Variants in CSNK1G1 observed in about 807,000 individuals in gnomAD.
The protein encoded by CSNK1G1 is casein kinase I isoform gamma-1.
Under a neutral mutation model 59.6 loss-of-function variants are expected in CSNK1G1, and 22 were observed. The observed-to-expected ratio is 0.37, with a 90% confidence interval of 0.26 to 0.53. The LOEUF is 0.53. Ranked by LOEUF, CSNK1G1 falls within the 20% of genes least tolerant of loss-of-function variation. The pLI, the probability that CSNK1G1 is intolerant of heterozygous loss-of-function variation, is 0.89. For synonymous variants in CSNK1G1, 179 were observed against 177.1 expected, an observed-to-expected ratio of 1.01 and a Z score of -0.08; for missense variants, 384 against 519.5, an observed-to-expected ratio of 0.74 and a Z score of 2.54.
chr15:64,300,991 A>G (rs181371026), intron 1 of CSNK1G1, among the ~76,000 whole-genome samples: 1 of 152,346 alleles, frequency 6.6e-6, no homozygotes, highest in East Asian at 1.9e-4. Context: ...TGTATCTATG[A>G]CCAAAAAGAA....
intron 4 of CSNK1G1, among the ~76,000 whole-genome samples, chr15:64,240,550 G>C (rs2082680357): frequency 6.6e-6 from 1 of 151,352 alleles, no homozygotes; most frequent in Non-Finnish European, 1.5e-5. Flanking sequence ...CAAGAAAAAA[G>C]AGTCAAGAAA....
At chr15:64,229,526 CTT>C (rs1216309078) in intron 4 of CSNK1G1, among the ~76,000 whole-genome samples, 2 of 141,192 alleles carry the variant, frequency 1.4e-5, no homozygotes, top group Admixed American at 6.9e-5. Flanking sequence ...TTCTCTCTCT[CTT>C]TCTCTCTCTC....
intron 10 of CSNK1G1, among the ~76,000 whole-genome samples, chr15:64,202,381 G>C (rs1241128709): frequency 6.6e-6 from 1 of 151,988 alleles, no homozygotes; most frequent in Non-Finnish European, 1.5e-5. Context: ...CTGTCTGTGC[G>C]ACAGGTCTTT....
intron 10 of CSNK1G1, among the ~76,000 whole-genome samples, chr15:64,201,145 G>A (rs1453242858): frequency 6.6e-6 from 1 of 151,874 alleles, no homozygotes; most frequent in Non-Finnish European, 1.5e-5. Context: ...GGTGGTATGT[G>A]CCTGTAATCC....
At chr15:64,199,250 C>CAAAAAAAAAAAA (rs56819260) in intron 10 of CSNK1G1, among the ~76,000 whole-genome samples, 36 of 52,258 alleles carry the variant, frequency 6.9e-4, no homozygotes, top group African/African-American at 1.2e-3. Context: ...AATCTTTTCT[C>CAAAAAAAAAAAA]AAAAAAAAAA....
chr15:64,190,111 C>T (rs566646044), intron 10 of CSNK1G1, among the ~76,000 whole-genome samples: 15 of 151,814 alleles, frequency 9.9e-5, no homozygotes, highest in African/African-American at 2.7e-4. Context: ...TGAGCCACCA[C>T]GCCTGGCCAA....
chr15:64,288,210 A>G (rs1033623620), intron 2 of CSNK1G1, among the ~76,000 whole-genome samples: 7 of 152,164 alleles, frequency 4.6e-5, no homozygotes, highest in Non-Finnish European at 7.4e-5. Flanking sequence ...AAGGAAATAC[A>G]GTAACAGTGC....
chr15:64,319,166 TATA>T (rs758572630), intron 1 of CSNK1G1, among the ~76,000 whole-genome samples: 3 of 152,202 alleles, frequency 2.0e-5, no homozygotes, highest in Admixed American at 6.5e-5. Context: ...AACTTACATT[TATA>T]ATATCATCTT....
At chr15:64,333,737 A>C (rs1897240120) in intron 1 of CSNK1G1, among the ~76,000 whole-genome samples, 1 of 152,188 alleles carries the variant, frequency 6.6e-6, no homozygotes, top group South Asian at 2.1e-4. Context: ...CGGAAACCAA[A>C]AGCAAGAAGT....
At chr15:64,300,247 G>A (rs1895253237) in intron 2 of CSNK1G1, 72 bp downstream of exon 2, 3 of 1,432,966 alleles carry the variant, frequency 2.1e-6, no homozygotes, top group Admixed American at 2.0e-5. Flanking sequence ...TAAACGGCTT[G>A]TCTTGAAACA....
chr15:64,225,768 G>C (rs112936029), intron 4 of CSNK1G1, among the ~76,000 whole-genome samples: 2 of 152,042 alleles, frequency 1.3e-5, no homozygotes, highest in South Asian at 2.1e-4. Flanking sequence ...CTGGGATTAC[G>C]GGTGCCTGTC....
At chr15:64,355,095 G>A (rs1045556847) in intron 1 of CSNK1G1, among the ~76,000 whole-genome samples, 8 of 152,086 alleles carry the variant, frequency 5.3e-5, no homozygotes, top group Non-Finnish European at 1.2e-4. Context: ...TAAGAAAGAG[G>A]CTGCAAAAGC....
intron 1 of CSNK1G1, among the ~76,000 whole-genome samples, chr15:64,324,860 T>G (rs188682823): frequency 3.9e-5 from 6 of 152,356 alleles, no homozygotes; most frequent in Admixed American, 2.0e-4. Flanking sequence ...GTGCAACAAA[T>G]GCACATGGTA....
intron 2 of CSNK1G1, among the ~76,000 whole-genome samples, chr15:64,265,457 T>C (rs1892923814): frequency 6.6e-6 from 1 of 152,180 alleles, no homozygotes; most frequent in South Asian, 2.1e-4. Flanking sequence ...GGAGTTCCCT[T>C]GCACATGCTC....
At chr15:64,334,509 C>T (rs372179629) in intron 1 of CSNK1G1, among the ~76,000 whole-genome samples, 9 of 152,188 alleles carry the variant, frequency 5.9e-5, no homozygotes, top group African/African-American at 2.2e-4. Context: ...AATTATTCAA[C>T]TCACCATAAT....
intron 9 of CSNK1G1, 69 bp downstream of exon 9, chr15:64,204,372 G>A: frequency 2.4e-6 from 3 of 1,258,248 alleles, no homozygotes; most frequent in Non-Finnish European, 3.3e-6. Context: ...GCAAGTAAAG[G>A]CATGAGGCAG....
chr15:64,333,867 T>C (rs552342128), intron 1 of CSNK1G1, among the ~76,000 whole-genome samples: 2 of 152,192 alleles, frequency 1.3e-5, no homozygotes, highest in African/African-American at 4.8e-5. Flanking sequence ...TAAACATATA[T>C]GTACCTAATT....
rs540956543 is a variant in CSNK1G1 at position 64,208,276 on chromosome 15, T to C, written c.680-682A>G. Reference sequence around the variant, plus strand: ...TACTTAAGAGGCTGACGTGAGAGGATCGCTTCGGCCCAGGAGTTCGAGATA... The same window carrying C: ...TACTTAAGAGGCTGACGTGAGAGGACCGCTTCGGCCCAGGAGTTCGAGATA... On this transcript the variant is annotated intron_variant, in intron 6 of 11. Transcript: ENST00000303052. 5.3e-5 allele frequency among the ~76,000 whole-genome samples: 8 copies of C among 152,258 alleles called. 1 individual carries two copies. Among genetic ancestry groups the C allele is most frequent in the African/African-American group, 1.7e-4 (7 of 41,554 alleles).
chr15:64,229,018 C>CAAAA (rs1218085247), intron 4 of CSNK1G1, among the ~76,000 whole-genome samples: 5 of 65,860 alleles, frequency 7.6e-5, no homozygotes, highest in South Asian at 5.8e-4. Context: ...GACTCTGTCT[C>CAAAA]AAAAAAAAAA....
Sources: allele counts gnomAD v4.1 joint callset (sites outside exome capture counted in the v4.1 genomes callset), GRCh38; gene constraint gnomAD v4.1.1; transcripts MANE v1.5; gene names NCBI Gene and HGNC (gene_info 2026-07-23, HGNC 2026-07-21).